The following TENM3 variants were observed in gnomAD, a reference collection of about 807,000 sequenced individuals.
TENM3 encodes the protein teneurin-3.
TENM3 carries 63 observed loss-of-function variants against 255.1 expected under a neutral mutation model. That is an observed-to-expected ratio of 0.25 (90% CI 0.20 to 0.30). The LOEUF (loss-of-function observed/expected upper bound fraction) is 0.30, where lower values mean the gene tolerates loss of function less well. Among genes scored for constraint, TENM3 ranks in the 10% least tolerant of loss-of-function variants. The pLI, the probability that TENM3 is intolerant of heterozygous loss-of-function variation, is 1.00. For missense variants in TENM3, 2,929 were observed against 3,461.1 expected, an observed-to-expected ratio of 0.85 and a Z score of 3.86; for synonymous variants, 1,306 against 1,322.3, an observed-to-expected ratio of 0.99 and a Z score of 0.27.
chr4:182,591,822 A>G (rs1435994856), intron 3 of TENM3, among the ~76,000 whole-genome samples: 3 of 152,192 alleles, frequency 2.0e-5, no homozygotes, highest in African/African-American at 7.2e-5. Flanking sequence ...TATTATTAAT[A>G]GAATATTTGA....
At chr4:182,256,528 T>C (rs1400729605) in intron 1 of TENM3, among the ~76,000 whole-genome samples, 1 of 152,184 alleles carries the variant, frequency 6.6e-6, no homozygotes, top group Non-Finnish European at 1.5e-5. Flanking sequence ...CCTTTTAAGA[T>C]CCTAAAACTC....
the TENM3 span, among the ~76,000 whole-genome samples, chr4:181,628,994 A>G: frequency 6.6e-6 from 1 of 152,040 alleles, no homozygotes; most frequent in Non-Finnish European, 1.5e-5. Flanking sequence ...ATTTCTTTGT[A>G]TCTTCTTTTA....
intron 12 of TENM3, chr4:182,707,855 C>G (rs1579183820): frequency 6.6e-6 from 1 of 152,168 alleles, no homozygotes; most frequent in Non-Finnish European, 1.5e-5. Flanking sequence ...ATCTGTAGAT[C>G]TGCCTTGTGC....
chr4:182,484,209 G>A (rs1342024467), intron 3 of TENM3, among the ~76,000 whole-genome samples: 2 of 152,066 alleles, frequency 1.3e-5, no homozygotes, highest in Admixed American at 6.6e-5. Flanking sequence ...ACACCAATCC[G>A]ATAAAATAGG....
chr4:181,552,557 T>G, the TENM3 span, among the ~76,000 whole-genome samples: 1 of 152,178 alleles, frequency 6.6e-6, no homozygotes, highest in Non-Finnish European at 1.5e-5. Flanking sequence ...TTGTAATAAT[T>G]TTCTATAAAC....
At chr4:181,723,756 G>T in the TENM3 span, among the ~76,000 whole-genome samples, 2 of 152,022 alleles carry the variant, frequency 1.3e-5, no homozygotes, top group Non-Finnish European at 2.9e-5. Context: ...GAACTAAGTG[G>T]ATTCTGGAAA....
chr4:181,450,356 A>C, the TENM3 span, among the ~76,000 whole-genome samples: 2 of 152,340 alleles, frequency 1.3e-5, no homozygotes, highest in African/African-American at 4.8e-5. Context: ...AATATTACAT[A>C]CCTGAGTAAT....
chr4:182,332,593 C>G (rs1351343288), intron 2 of TENM3, among the ~76,000 whole-genome samples: 1 of 151,704 alleles, frequency 6.6e-6, no homozygotes, highest in East Asian at 1.9e-4. Flanking sequence ...ACTTGGGAGG[C>G]TGGGGCAGGA....
intron 1 of TENM3, among the ~76,000 whole-genome samples, chr4:182,294,988 T>C (rs1761371232): frequency 7.0e-6 from 1 of 142,470 alleles, no homozygotes; most frequent in African/African-American, 2.8e-5. Context: ...TAATGGCCCA[T>C]AAAATGTTGA....
At chr4:181,838,577 T>C in the TENM3 span, among the ~76,000 whole-genome samples, 2 of 152,202 alleles carry the variant, frequency 1.3e-5, no homozygotes, top group Non-Finnish European at 2.9e-5. Flanking sequence ...CAGGAACAGA[T>C]GAAATTTTTT....
the TENM3 span, among the ~76,000 whole-genome samples, chr4:181,765,116 A>C: frequency 6.6e-6 from 1 of 152,342 alleles, no homozygotes; most frequent in African/African-American, 2.4e-5. Context: ...CATTTTTCCT[A>C]CACTATTTGA....
At chr4:182,023,527 A>G in the TENM3 span, among the ~76,000 whole-genome samples, 3 of 152,286 alleles carry the variant, frequency 2.0e-5, no homozygotes, top group Admixed American at 2.0e-4. Context: ...TTGAACATAG[A>G]TTATATCATA....
chr4:181,746,636 A>G, the TENM3 span, among the ~76,000 whole-genome samples: 5 of 152,090 alleles, frequency 3.3e-5, no homozygotes, highest in Admixed American at 1.3e-4. Context: ...TTCTACCTGT[A>G]TAAGTATGAC....
At chr4:182,361,904 G>T (rs1398907400) in intron 3 of TENM3, among the ~76,000 whole-genome samples, 2 of 152,166 alleles carry the variant, frequency 1.3e-5, no homozygotes, top group Non-Finnish European at 2.9e-5. Context: ...TGGTGTGGAT[G>T]TCCTTTCTGT....
chr4:182,267,715 TAA>T (rs55836214), intron 1 of TENM3, among the ~76,000 whole-genome samples: 17 of 135,788 alleles, frequency 1.3e-4, no homozygotes, highest in Middle Eastern at 3.8e-3. Flanking sequence ...AAAGCCAATT[TAA>T]AAAAAAAAAA....
chr4:181,639,397 C>T, the TENM3 span, among the ~76,000 whole-genome samples: 1 of 152,224 alleles, frequency 6.6e-6, no homozygotes, highest in Non-Finnish European at 1.5e-5. Context: ...GGCAGCTCCA[C>T]TCCCTGCAGC....
chr4:181,755,721 G>C, the TENM3 span, among the ~76,000 whole-genome samples: 32 of 152,224 alleles, frequency 2.1e-4, no homozygotes, highest in Middle Eastern at 0.014. Context: ...TTTATCCTTA[G>C]TAATGCTGCT....
chr4:181,619,529 C>T, the TENM3 span, among the ~76,000 whole-genome samples: 1 of 152,106 alleles, frequency 6.6e-6, no homozygotes, highest in Non-Finnish European at 1.5e-5. Context: ...GCAAGCAATT[C>T]TCTTGCCTCA....
At chr4:181,563,460 A>G in the TENM3 span, among the ~76,000 whole-genome samples, 5 of 152,294 alleles carry the variant, frequency 3.3e-5, no homozygotes, top group Admixed American at 2.6e-4. Context: ...CAATTATTCT[A>G]CTTTCAAATA....
Sources: allele counts gnomAD v4.1 joint callset (sites outside exome capture counted in the v4.1 genomes callset), GRCh38; gene constraint gnomAD v4.1.1; transcripts MANE v1.5; gene names NCBI Gene and HGNC (gene_info 2026-07-23, HGNC 2026-07-21).